Variants in RUBCNL observed in about 807,000 individuals in gnomAD.
RUBCNL encodes the protein protein associated with UVRAG as autophagy enhancer.
A neutral mutation model predicts 69.5 loss-of-function variants in RUBCNL; 62 were observed. The ratio of observed to expected loss-of-function variants is 0.89; its 90% CI spans 0.73 to 1.10. The LOEUF (loss-of-function observed/expected upper bound fraction) is 1.10. Ranked by LOEUF, RUBCNL falls within the 50% of genes least tolerant of loss-of-function variation. The probability of loss-of-function intolerance (pLI) is 0.00; values close to 1 mark genes in which losing one functional copy is unlikely to be tolerated. For missense variants in RUBCNL, 768 were observed against 798.1 expected (o/e 0.96, Z 0.45); for synonymous variants, 291 against 303.6 (o/e 0.96, Z 0.43).
chr13:46,378,378 C>T (rs75206244), intron 1 of RUBCNL: 1,583 of 155,370 alleles, frequency 0.01, 27 homozygotes, highest in African/African-American at 0.037. Context: ...ATCAGAGATA[C>T]TTAGGTACAA....
intron 10 of RUBCNL, among the ~76,000 whole-genome samples, chr13:46,356,187 G>A (rs886489907): frequency 2.0e-5 from 3 of 152,312 alleles, no homozygotes; most frequent in East Asian, 1.9e-4. Flanking sequence ...AGGAGGCCAC[G>A]TGGCTGGAGC....
intron 2 of RUBCNL, among the ~76,000 whole-genome samples, chr13:46,373,597 T>C (rs773774817): frequency 6.6e-6 from 1 of 152,188 alleles, no homozygotes; most frequent in Admixed American, 6.5e-5. Flanking sequence ...GCTCGGGAAA[T>C]GTTTTGCTTT....
At chr13:46,381,632 G>A (rs980092577) in intron 1 of RUBCNL, among the ~76,000 whole-genome samples, 8 of 152,104 alleles carry the variant, frequency 5.3e-5, no homozygotes, top group Admixed American at 1.3e-4. Flanking sequence ...GCCCAGGCTG[G>A]AGCGTAATGG....
Position 46,387,251 on chromosome 13 carries a change from G to A in RUBCNL, c.-356C>T. ...CGCGCTCCCGGTAACAGCAGAAAGG[G>A]GAGGGAGGAGAGCTACCGAGGAGGG... is the stretch of plus-strand genomic sequence containing the variant. On this transcript the variant is annotated 5_prime_UTR_variant, in exon 1 of 15. Transcript: ENST00000429979. 4.1e-6 allele frequency: 4 copies of A among 985,408 alleles called. No homozygotes were observed. Among genetic ancestry groups the A allele is most frequent in the Non-Finnish European group, 4.8e-6 (4 of 829,960 alleles). The allele number at this position is 985,408 out of a possible 1,614,324, so 61.0% of individuals were successfully genotyped here.
intron 5 of RUBCNL, among the ~76,000 whole-genome samples, chr13:46,365,007 A>G (rs186945702): frequency 5.3e-5 from 8 of 152,254 alleles, no homozygotes; most frequent in Non-Finnish European, 1.0e-4. Flanking sequence ...CTAAGAGTTT[A>G]AAATCTCATG....
At chr13:46,362,961 T>TATATATATATAG (rs2048662429) in intron 6 of RUBCNL, among the ~76,000 whole-genome samples, 154 bp downstream of exon 6, 3 of 125,540 alleles carry the variant, frequency 2.4e-5, no homozygotes, top group Admixed American at 1.6e-4. Context: ...TATATATATA[T>TATATATATATAG]ATATATATAT....
At chr13:46,355,904 G>C (rs1456709261) in intron 10 of RUBCNL, among the ~76,000 whole-genome samples, 4 of 152,022 alleles carry the variant, frequency 2.6e-5, no homozygotes, top group African/African-American at 9.7e-5. Context: ...TACAAAATAA[G>C]AAGGAACTTC....
At chr13:46,360,473 G>A (rs77374175) in intron 8 of RUBCNL, among the ~76,000 whole-genome samples, 1,578 of 152,184 alleles carry the variant, frequency 0.01, 27 homozygotes, top group African/African-American at 0.037. Context: ...ACTCACAAAC[G>A]GGTATTATCC....
intron 3 of RUBCNL, 70 bp from the exon 4 acceptor site, chr13:46,368,885 T>G: frequency 9.4e-7 from 1 of 1,068,590 alleles, no homozygotes; most frequent in African/African-American, 1.6e-5. Context: ...AATAAAACAA[T>G]TATAGGAAGT....
In RUBCNL at chr13:46,335,242, T is replaced by TG. The variant is rs2048096675; in HGVS notation, c.*8142_*8143insC. On this transcript the variant is annotated 3_prime_UTR_variant, in exon 15 of 15. Transcript: ENST00000429979. Reference sequence around the variant, plus strand: ...ATTGTGCCCAGCTAATTTGTGTCTTTTTGTTGTTGTTGTTGTTGTTTTTTT... The same window carrying TG: ...ATTGTGCCCAGCTAATTTGTGTCTTTGTTGTTGTTGTTGTTGTTGTTTTTTT... Among the ~76,000 whole-genome samples the TG allele has an allele frequency of 7.0e-6, 1 of 142,096 alleles. No individual in the cohort carries two copies. The highest frequency in any genetic ancestry group is 2.7e-5 in the African/African-American group (1 of 36,642). 93.2% of individuals were successfully genotyped at this position (142,096 alleles called of 152,430 possible).
At chr13:46,350,006 T>C (rs1390485708) in intron 11 of RUBCNL, 107 bp downstream of exon 11, 9 of 821,932 alleles carry the variant, frequency 1.1e-5, no homozygotes, top group Admixed American at 7.5e-5. Flanking sequence ...TTATGATCCA[T>C]TTGCCTCTTA....
Position 46,359,549 on chromosome 13 carries a change from C to G in RUBCNL, c.1202G>C (p.Arg401Thr). The change falls in exon 9 of 15, where the codon AGA becomes ACA. Residue 401 changes from arginine (R) to threonine (T), a missense_variant. By Grantham distance (71) the Arg-to-Thr change is moderately conservative. Coordinates refer to ENST00000429979, the MANE Select transcript of RUBCNL (RefSeq NM_025113.5). ...AGGAGGAGCCCAGTCTTCAGTCCCTCTGATCCTAGACTTAAATTTAATTTC... is the reference window on the plus strand; with the variant it reads ...AGGAGGAGCCCAGTCTTCAGTCCCTGTGATCCTAGACTTAAATTTAATTTC... Reference protein sequence around the residue: ...VQEIKFKSRIRGTEDWAPPRF... With the variant: ...VQEIKFKSRITGTEDWAPPRF... 3.8e-6 allele frequency: 6 copies of G among 1,593,454 alleles called. No individual in the cohort carries two copies. Among genetic ancestry groups the G allele is most frequent in the Non-Finnish European group, 3.4e-6 (4 of 1,169,152 alleles).
Position 46,356,499 on chromosome 13 carries a change from G to A in RUBCNL, c.1266-3C>T, listed in dbSNP as rs769763733. ...GGGCTGCCACCACAAGGTCCCTCCT[G>A]AATACGAAAAATAATACTAGTTACA... is the stretch of plus-strand genomic sequence containing the variant. On this transcript the variant is annotated splice_polypyrimidine_tract_variant and splice_region_variant and intron_variant, in intron 9 of 14. Transcript: ENST00000429979. 1.2e-6 allele frequency: 2 copies of A among 1,613,234 alleles called. No homozygotes were observed. The highest frequency in any genetic ancestry group is 2.2e-5 in the South Asian group (2 of 90,926).
At position 46,349,423 on chromosome 13, in the gene RUBCNL, T is replaced by C. The variant is rs2048321327; in HGVS notation, c.1570-76A>G. 9.4e-6 allele frequency: 13 copies of C among 1,383,058 alleles called. 1 individual carries two copies. In the Middle Eastern group the frequency reaches 8.8e-4, roughly 94 times the overall value. The allele number at this position is 1,383,058 out of a possible 1,614,324, so 85.7% of individuals were successfully genotyped here. A position where few individuals can be genotyped will look rare whatever the true frequency, so the allele number is the denominator to read the frequency against. On this transcript the variant is annotated intron_variant, in intron 11 of 14. Transcript: ENST00000429979. ...GGGAAAAGTGCAAGTCAAATTTAAA[T>C]GTTATTTCTAAGCTTGAAATGCTGC...
At chr13:46,383,976 A>T (rs896927558) in intron 1 of RUBCNL, among the ~76,000 whole-genome samples, 2 of 152,190 alleles carry the variant, frequency 1.3e-5, no homozygotes, top group Non-Finnish European at 2.9e-5. Flanking sequence ...TGTGGACTCA[A>T]ATATCTCTTC....
chr13:46,387,920 A>G (rs1373071334), upstream of RUBCNL: 4 of 929,408 alleles, frequency 4.3e-6, no homozygotes, highest in African/African-American at 7.1e-5. Flanking sequence ...TAGAAACCTA[A>G]GCTCTGGCCG....
At chr13:46,350,419 T>C in intron 10 of RUBCNL, 68 bp from the exon 11 acceptor site, 1 of 1,121,028 alleles carries the variant, frequency 8.9e-7, no homozygotes, top group East Asian at 2.6e-5. Flanking sequence ...TACCCCGACT[T>C]CCAATTCCTA....
chr13:46,364,733 G>A (rs2048712061), intron 5 of RUBCNL, among the ~76,000 whole-genome samples: 1 of 147,554 alleles, frequency 6.8e-6, no homozygotes. Context: ...AGGACCAACT[G>A]GCAGTTTGAG....
chr13:46,350,126 A>G lies in RUBCNL; in HGVS notation c.1556T>C (p.Leu519Pro), dbSNP rs1387773944. 2 of 1,566,698 alleles carry G rather than the reference A, an allele frequency of 1.3e-6. No homozygotes were observed. Among genetic ancestry groups the G allele is most frequent in the Non-Finnish European group, 1.7e-6 (2 of 1,154,724 alleles). ...GCTGCGGCTCACCTTCACTCTGTCC[A>G]GCTCCTTGGCTTTCGCATACAGGCT... is the stretch of plus-strand genomic sequence containing the variant. The part of the protein sequence containing the change: ...GQSLYAKAKE[L>P]DRVKEIQEQL... Residue 519 changes from leucine (L) to proline (P), a missense_variant, in exon 11 of 15, where the codon CTG (leucine) becomes CCG (proline). Coordinates refer to ENST00000429979, the MANE Select transcript of RUBCNL (RefSeq NM_025113.5).
Sources: allele counts gnomAD v4.1 joint callset (sites outside exome capture counted in the v4.1 genomes callset), GRCh38; gene constraint gnomAD v4.1.1; transcripts MANE v1.5; gene names NCBI Gene and HGNC (gene_info 2026-07-23, HGNC 2026-07-21).